Variants in DOCK2 observed in about 807,000 individuals in gnomAD.
The protein encoded by DOCK2 is dedicator of cytokinesis protein 2.
In DOCK2, 87 loss-of-function variants were observed where a neutral mutation model predicts 248.9. The ratio of observed to expected loss-of-function variants is 0.35; its 90% CI spans 0.29 to 0.42. The LOEUF (loss-of-function observed/expected upper bound fraction) is 0.42, where lower values mean the gene tolerates loss of function less well. Among genes scored for constraint, DOCK2 ranks in the 10% least tolerant of loss-of-function variants. The pLI is 1.00. For synonymous variants in DOCK2, 805 were observed against 821.6 expected, an observed-to-expected ratio of 0.98 and a Z score of 0.35; for missense variants, 1,747 against 2,300.2, an observed-to-expected ratio of 0.76 and a Z score of 4.92.
chr5:169,996,957 G>A (rs1385091838), intron 30 of DOCK2, among the ~76,000 whole-genome samples: 5 of 152,182 alleles, frequency 3.3e-5, no homozygotes, highest in Non-Finnish European at 7.3e-5. Context: ...GAGACACAGA[G>A]ACAAAGTATA....
intron 23 of DOCK2, among the ~76,000 whole-genome samples, chr5:169,754,157 G>A (rs1678526709): frequency 6.6e-6 from 1 of 152,154 alleles, no homozygotes; most frequent in Non-Finnish European, 1.5e-5. Flanking sequence ...GAGAGAACAG[G>A]AAAGCCTGAA....
chr5:169,990,471 C>G (rs1778175704), intron 29 of DOCK2, among the ~76,000 whole-genome samples: 1 of 151,368 alleles, frequency 6.6e-6, no homozygotes, highest in Non-Finnish European at 1.5e-5. Context: ...GGATCCCGAT[C>G]CCAGAGCCTG....
intron 2 of DOCK2, among the ~76,000 whole-genome samples, chr5:169,660,712 A>T (rs910249067): frequency 3.3e-5 from 5 of 152,230 alleles, no homozygotes; most frequent in Non-Finnish European, 5.9e-5. Flanking sequence ...GGACATTATA[A>T]GCACTTAACA....
At chr5:169,782,518 T>A (rs1418269401) in intron 25 of DOCK2, among the ~76,000 whole-genome samples, 6 of 147,978 alleles carry the variant, frequency 4.1e-5, no homozygotes, top group South Asian at 2.2e-4. Flanking sequence ...TTTTTTTTTT[T>A]AATTTCTTGA....
chr5:169,978,384 T>TGGGGGGG (rs1777796721), intron 27 of DOCK2, among the ~76,000 whole-genome samples: 1 of 20,388 alleles, frequency 4.9e-5, no homozygotes, highest in Non-Finnish European at 8.9e-5. Flanking sequence ...TATGTGTGTG[T>TGGGGGGG]GTGTGTGTGG....
At chr5:169,943,053 C>A (rs1285301153) in intron 27 of DOCK2, among the ~76,000 whole-genome samples, 1 of 152,156 alleles carries the variant, frequency 6.6e-6, no homozygotes, top group African/African-American at 2.4e-5. Flanking sequence ...TTGGGCTGGG[C>A]TGGAGGAACC....
chr5:169,879,866 A>G (rs1349745006), intron 27 of DOCK2, among the ~76,000 whole-genome samples: 2 of 152,204 alleles, frequency 1.3e-5, no homozygotes, highest in Admixed American at 6.5e-5. Flanking sequence ...TTTTACTTAT[A>G]TAGGCCAAAT....
chr5:170,032,581 C>T (rs984674821), intron 34 of DOCK2, among the ~76,000 whole-genome samples: 1 of 152,118 alleles, frequency 6.6e-6, no homozygotes, highest in Non-Finnish European at 1.5e-5. Context: ...TGGGAAGAAG[C>T]TTTGTTGCAT....
intron 14 of DOCK2, among the ~76,000 whole-genome samples, chr5:169,706,014 G>A (rs573313918): frequency 2.6e-5 from 4 of 152,354 alleles, no homozygotes; most frequent in East Asian, 3.9e-4. Context: ...ATATACCAGT[G>A]TATATTTTCC....
intron 27 of DOCK2, chr5:169,934,746 T>A (rs189935536): frequency 4.6e-4 from 208 of 455,858 alleles, no homozygotes; most frequent in Non-Finnish European, 8.2e-4. Flanking sequence ...GCTCACGGGA[T>A]CAGTGCTCAG....
In DOCK2 at chr5:169,746,407, C is replaced by T. The variant is rs115002183; in HGVS notation, c.2268-989C>T. Among the ~76,000 whole-genome samples, 392 of 152,246 alleles carry T rather than the reference C, an allele frequency of 2.6e-3. 1 individual carries two copies. Among genetic ancestry groups the T allele is most frequent in the African/African-American group, 9.2e-3 (381 of 41,544 alleles). On this transcript the variant is annotated intron_variant, in intron 22 of 51. Coordinates refer to ENST00000520908, the MANE Select transcript of DOCK2 (RefSeq NM_004946.3). ...CTCTGTGGTTGAGGAGCAAACAAAC[C>T]TGTTAAGTGTGTCAGTGCTTTATCT... is the stretch of plus-strand genomic sequence containing the variant.
intron 27 of DOCK2, among the ~76,000 whole-genome samples, chr5:169,912,798 G>A (rs1472893877): frequency 1.3e-5 from 2 of 151,914 alleles, no homozygotes; most frequent in Admixed American, 1.3e-4. Flanking sequence ...AGGAGCAGCA[G>A]TATAACCAGA....
intron 44 of DOCK2, among the ~76,000 whole-genome samples, chr5:170,061,345 C>G (rs1018119982): frequency 6.6e-6 from 1 of 152,196 alleles, no homozygotes; most frequent in Non-Finnish European, 1.5e-5. Flanking sequence ...CCTTTGGAAT[C>G]ACAAATACCC....
chr5:169,653,569 G>A (rs542008206), intron 1 of DOCK2, among the ~76,000 whole-genome samples: 12 of 152,310 alleles, frequency 7.9e-5, no homozygotes, highest in African/African-American at 2.2e-4. Flanking sequence ...CTTCCCTTGC[G>A]TAGCCCTCTC....
At chr5:169,914,644 A>G (rs1774778905) in intron 27 of DOCK2, among the ~76,000 whole-genome samples, 1 of 152,224 alleles carries the variant, frequency 6.6e-6, no homozygotes, top group South Asian at 2.1e-4. Flanking sequence ...CACATAGAAA[A>G]CAACCTGGAT....
intron 26 of DOCK2, among the ~76,000 whole-genome samples, chr5:169,814,969 T>C (rs763031535): frequency 6.6e-6 from 1 of 152,170 alleles, no homozygotes; most frequent in Non-Finnish European, 1.5e-5. Context: ...ACCAAATGAA[T>C]AATTAGGTAA....
At chr5:169,760,116 T>C (rs1764400600) in intron 24 of DOCK2, among the ~76,000 whole-genome samples, 1 of 152,166 alleles carries the variant, frequency 6.6e-6, no homozygotes, top group African/African-American at 2.4e-5. Context: ...GACCCCACAG[T>C]TGCAAATGGA....
chr5:169,801,812 CTTT>C (rs11298132), intron 25 of DOCK2, among the ~76,000 whole-genome samples: 10 of 142,394 alleles, frequency 7.0e-5, no homozygotes, highest in Admixed American at 2.1e-4. Context: ...ATTGGTTTTG[CTTT>C]TTTTTTTTTT....
chr5:169,886,476 A>G (rs1399764137), intron 27 of DOCK2, among the ~76,000 whole-genome samples: 1 of 152,208 alleles, frequency 6.6e-6, no homozygotes, highest in Non-Finnish European at 1.5e-5. Context: ...CTTCCTCCTC[A>G]GATAATAATT....
Sources: gnomAD v4.1 joint callset for allele counts (sites outside exome capture counted in the v4.1 genomes callset) on GRCh38, gnomAD v4.1.1 for gene constraint, MANE v1.5 for transcripts, NCBI Gene and HGNC (gene_info 2026-07-23, HGNC 2026-07-21) for gene names.